The following PTPRO variants were observed in gnomAD, a reference collection of about 807,000 sequenced individuals.
PTPRO encodes receptor-type tyrosine-protein phosphatase O.
Under a neutral mutation model 145.2 loss-of-function variants are expected in PTPRO, and 62 were observed. The ratio of observed to expected loss-of-function variants is 0.43; its 90% CI spans 0.35 to 0.53. PTPRO has a LOEUF of 0.53. PTPRO is among the 20% of genes least tolerant of loss of function. The pLI is 0.01. For synonymous variants in PTPRO, 565 were observed against 514.7 expected (o/e 1.10, Z -1.32); for missense variants, 1,345 against 1,482.7 (o/e 0.91, Z 1.53).
chr12:15,434,239 A>G (rs191611155), intron 1 of PTPRO, among the ~76,000 whole-genome samples: 49 of 152,372 alleles, frequency 3.2e-4, no homozygotes, highest in Admixed American at 2.6e-4. Flanking sequence ...GAAAGCAAAC[A>G]TAAACTCAGC....
intron 1 of PTPRO, among the ~76,000 whole-genome samples, chr12:15,413,438 T>C (rs1244200539): frequency 2.0e-5 from 3 of 152,180 alleles, no homozygotes; most frequent in Non-Finnish European, 4.4e-5. Flanking sequence ...ATTTATGTAG[T>C]GAATGATTAT....
intron 21 of PTPRO, 118 bp downstream of exon 21, chr12:15,580,233 T>C: frequency 2.5e-6 from 2 of 791,350 alleles, no homozygotes; most frequent in Non-Finnish European, 4.2e-6. Flanking sequence ...AGCAATTGAA[T>C]TCTAAAAAGT....
intron 1 of PTPRO, among the ~76,000 whole-genome samples, chr12:15,372,420 T>A (rs1436448561): frequency 1.3e-5 from 2 of 152,194 alleles, no homozygotes; most frequent in Non-Finnish European, 1.5e-5. Flanking sequence ...ATGAAGCTAA[T>A]TAGGAGACTC....
chr12:15,450,952 T>G (rs1202782411), intron 1 of PTPRO, among the ~76,000 whole-genome samples: 1 of 151,764 alleles, frequency 6.6e-6, no homozygotes, highest in East Asian at 1.9e-4. Context: ...AGGCAACAAA[T>G]AGCACAATGA....
At chr12:15,492,616 CAT>C (rs781279330) in intron 2 of PTPRO, among the ~76,000 whole-genome samples, 5 of 151,940 alleles carry the variant, frequency 3.3e-5, no homozygotes, top group Non-Finnish European at 5.9e-5. Context: ...TAAATGAAAA[CAT>C]AATTATTTAA....
At chr12:15,496,134 CTTTTTTTGTTTT>C (rs1942098132) in intron 2 of PTPRO, among the ~76,000 whole-genome samples, 1 of 93,142 alleles carries the variant, frequency 1.1e-5, no homozygotes, top group Non-Finnish European at 2.2e-5. Context: ...TTTTTCTTTT[CTTTTTTTGTTTT>C]TTTTTTTTTT....
chr12:15,416,698 A>T (rs1185398342), intron 1 of PTPRO, among the ~76,000 whole-genome samples: 1 of 146,880 alleles, frequency 6.8e-6, no homozygotes, highest in East Asian at 2.0e-4. Flanking sequence ...CTTGTATCCT[A>T]TCAGTGGTTT....
At chr12:15,510,277 T>A (rs1942412008) in intron 7 of PTPRO, among the ~76,000 whole-genome samples, 1 of 152,168 alleles carries the variant, frequency 6.6e-6, no homozygotes, top group South Asian at 2.1e-4. Flanking sequence ...TTGAGTTGAA[T>A]TAAATTAAGG....
At chr12:15,430,201 TCCC>T (rs1940395303) in intron 1 of PTPRO, among the ~76,000 whole-genome samples, 1 of 150,826 alleles carries the variant, frequency 6.6e-6, no homozygotes, top group Non-Finnish European at 1.5e-5. Context: ...CAGAGAGGAG[TCCC>T]TACAGAGATA....
At chr12:15,584,046 C>T (rs1944380002) in intron 23 of PTPRO, among the ~76,000 whole-genome samples, 1 of 152,144 alleles carries the variant, frequency 6.6e-6, no homozygotes, top group South Asian at 2.1e-4. Context: ...CTTCTCTGGG[C>T]TTGGACACCG....
chr12:15,491,643 T>A (rs988695234), intron 2 of PTPRO, among the ~76,000 whole-genome samples: 8 of 152,240 alleles, frequency 5.3e-5, no homozygotes, highest in Admixed American at 5.2e-4. Flanking sequence ...CTAGGATTTC[T>A]TGTCAAAATA....
chr12:15,413,684 G>A (rs915681840), intron 1 of PTPRO, among the ~76,000 whole-genome samples: 32 of 151,926 alleles, frequency 2.1e-4, no homozygotes, highest in African/African-American at 6.8e-4. Flanking sequence ...GCATGGTAGC[G>A]CACACCTGTA....
intron 1 of PTPRO, among the ~76,000 whole-genome samples, chr12:15,390,723 C>A (rs1220371986): frequency 6.6e-6 from 1 of 152,132 alleles, no homozygotes; most frequent in African/African-American, 2.4e-5. Flanking sequence ...CTAATTGAAA[C>A]ATTTATTGGA....
intron 1 of PTPRO, among the ~76,000 whole-genome samples, chr12:15,441,316 A>G (rs529579101): frequency 6.9e-6 from 1 of 145,984 alleles, no homozygotes. Context: ...ATGAAAACAG[A>G]GACACAACAT....
intron 1 of PTPRO, among the ~76,000 whole-genome samples, chr12:15,371,263 C>T (rs1432691349): frequency 4.0e-5 from 6 of 149,900 alleles, no homozygotes; most frequent in South Asian, 2.1e-4. Flanking sequence ...GACCGAGTCT[C>T]GCTCTGTCGC....
chr12:15,351,308 A>G (rs560519424), intron 1 of PTPRO, among the ~76,000 whole-genome samples: 50 of 152,272 alleles, frequency 3.3e-4, no homozygotes, highest in African/African-American at 7.5e-4. Context: ...CCTGTCATTA[A>G]TATGTACTTT....
At chr12:15,480,047 A>C (rs979380042) in intron 1 of PTPRO, among the ~76,000 whole-genome samples, 1 of 152,146 alleles carries the variant, frequency 6.6e-6, no homozygotes, top group Non-Finnish European at 1.5e-5. Context: ...TGAGGATGAA[A>C]CCAAATATGC....
intron 2 of PTPRO, among the ~76,000 whole-genome samples, chr12:15,494,757 G>C (rs1942067423): frequency 6.6e-6 from 1 of 152,192 alleles, no homozygotes; most frequent in Middle Eastern, 3.2e-3. Context: ...GTTTGACCGT[G>C]GCTTTGATGT....
chr12:15,592,546 C>T (rs1313524844), intron 25 of PTPRO, among the ~76,000 whole-genome samples: 1 of 152,170 alleles, frequency 6.6e-6, no homozygotes, highest in Non-Finnish European at 1.5e-5. Flanking sequence ...TGCACTGTGA[C>T]CTGCCCTCTT....
Sources: gnomAD v4.1 joint callset for allele counts (sites outside exome capture counted in the v4.1 genomes callset) on GRCh38, gnomAD v4.1.1 for gene constraint, MANE v1.5 for transcripts, NCBI Gene and HGNC (gene_info 2026-07-23, HGNC 2026-07-21) for gene names.